Variants in CNOT10 observed in about 807,000 individuals in gnomAD.
CNOT10 encodes CCR4-NOT transcription complex subunit 10, also known as CCR4-NOT transcription complex, subunit 10.
CNOT10 carries 30 observed loss-of-function variants against 94.6 expected under a neutral mutation model. The observed-to-expected ratio is 0.32, with a 90% CI of 0.24 to 0.43. The LOEUF is 0.43. Ranked by LOEUF, CNOT10 falls within the 20% of genes least tolerant of loss-of-function variation. The pLI, the probability that CNOT10 is intolerant of heterozygous loss-of-function variation, is 1.00. For synonymous variants in CNOT10, 289 were observed against 301.6 expected, an observed-to-expected ratio of 0.96 and a Z score of 0.43; for missense variants, 759 against 877.2, an observed-to-expected ratio of 0.87 and a Z score of 1.70.
At chr3:32,731,140 A>G (rs1269875456) in intron 10 of CNOT10, 1 of 152,198 alleles carries the variant, frequency 6.6e-6, no homozygotes, top group African/African-American at 2.4e-5. Context: ...CCTCACAATA[A>G]TGGTTTAAAA....
intron 17 of CNOT10, among the ~76,000 whole-genome samples, chr3:32,768,410 C>T (rs1389265539): frequency 4.6e-5 from 7 of 151,990 alleles, no homozygotes; most frequent in South Asian, 4.2e-4. Context: ...GATGAAACCC[C>T]GTCTATACTA....
At chr3:32,745,621 A>T (rs942532561) in intron 13 of CNOT10, among the ~76,000 whole-genome samples, 1 of 152,266 alleles carries the variant, frequency 6.6e-6, no homozygotes, top group Non-Finnish European at 1.5e-5. Context: ...CAAAACCTAG[A>T]CATAGCCCAG....
intron 10 of CNOT10, among the ~76,000 whole-genome samples, chr3:32,730,187 A>C (rs1698879706): frequency 6.6e-6 from 1 of 152,098 alleles, no homozygotes; most frequent in African/African-American, 2.4e-5. Flanking sequence ...CCAGGGAGTT[A>C]CCTTTTTCTG....
intron 17 of CNOT10, 185 bp downstream of exon 17, chr3:32,764,994 C>T (rs2125641424): frequency 6.6e-7 from 1 of 1,517,976 alleles, no homozygotes; most frequent in Non-Finnish European, 8.8e-7. Context: ...AACCTAGACA[C>T]TTAAAGGAAA....
At chr3:32,696,386 C>T (rs1697071572) in intron 1 of CNOT10, among the ~76,000 whole-genome samples, 1 of 151,702 alleles carries the variant, frequency 6.6e-6, no homozygotes, top group East Asian at 1.9e-4. Flanking sequence ...ATATACTGGG[C>T]TCAAGCAATC....
chr3:32,691,516 C>T (rs982900831), intron 1 of CNOT10, among the ~76,000 whole-genome samples: 7 of 151,890 alleles, frequency 4.6e-5, no homozygotes, highest in African/African-American at 1.2e-4. Flanking sequence ...CATGTTGGCC[C>T]GGCTGGTCTT....
rs1350623364 is a variant in CNOT10 at position 32,713,284 on chromosome 3, A to C, written c.488A>C (p.Tyr163Ser). The C allele has an allele frequency of 6.3e-7, 1 of 1,599,914 alleles. No individual in the cohort carries two copies. The highest frequency in any genetic ancestry group is 8.5e-7 in the Non-Finnish European group (1 of 1,176,380). The change falls in exon 5 of 19, where the codon TAC becomes TCC. Residue 163 changes from tyrosine (Y) to serine (S), a missense_variant. Transcript: ENST00000328834. ...CTTGTAGACCTGTATATATTAACCT[A>C]CCAAGCTGAGAAAGCTTTGCATCTT... ...FLLVDLYILT[Y>S]QAEKALHLLA...
At chr3:32,738,393 A>G (rs958319821) in intron 13 of CNOT10, among the ~76,000 whole-genome samples, 2 of 151,708 alleles carry the variant, frequency 1.3e-5, no homozygotes, top group African/African-American at 2.4e-5. Context: ...CTAGCCTAGG[A>G]TTTTCTTTGC....
intron 10 of CNOT10, among the ~76,000 whole-genome samples, chr3:32,728,548 G>A (rs1271176775): frequency 2.6e-5 from 4 of 152,026 alleles, no homozygotes; most frequent in Non-Finnish European, 4.4e-5. Flanking sequence ...GGGAGGTGGA[G>A]GTTGGAGTGA....
intron 18 of CNOT10, among the ~76,000 whole-genome samples, chr3:32,771,860 A>G (rs955318056): frequency 6.6e-6 from 1 of 152,192 alleles, no homozygotes; most frequent in Admixed American, 6.5e-5. Flanking sequence ...GTTATACACC[A>G]TAGTATTTTG....
chr3:32,736,222 A>G (rs1355960154), intron 12 of CNOT10, among the ~76,000 whole-genome samples: 1 of 152,066 alleles, frequency 6.6e-6, no homozygotes, highest in Non-Finnish European at 1.5e-5. Flanking sequence ...AATAGCTGGG[A>G]TTATAGGCCC....
chr3:32,716,197 T>C (rs767717245), intron 5 of CNOT10, 28 bp from the exon 6 acceptor site: 18 of 1,228,644 alleles, frequency 1.5e-5, no homozygotes, highest in Non-Finnish European at 1.9e-5. Flanking sequence ...TATTTAATTT[T>C]GATAAACTTT....
chr3:32,732,910 A>C (rs932444292), intron 10 of CNOT10, among the ~76,000 whole-genome samples: 1 of 152,182 alleles, frequency 6.6e-6, no homozygotes, highest in Non-Finnish European at 1.5e-5. Flanking sequence ...TTAATTTCCT[A>C]GAAGGCAAGT....
rs562213642 is a variant in CNOT10 at position 32,688,287 on chromosome 3, A to T, written c.22+2805A>T. Among the ~76,000 whole-genome samples the T allele has an allele frequency of 6.6e-5, 10 of 152,292 alleles. No homozygotes were observed. The East Asian group carries it at 1.7e-3, about 26-fold the overall frequency. ...TGTAAATAAAATGAAAAATAAGATG[A>T]TTTCAAGTTGTGATAGATACTCTGA... is the stretch of plus-strand genomic sequence containing the variant. On this transcript the variant is annotated intron_variant, in intron 1 of 18. Transcript: ENST00000328834.
chr3:32,750,158 C>T (rs968649956), intron 13 of CNOT10, among the ~76,000 whole-genome samples: 3 of 152,032 alleles, frequency 2.0e-5, no homozygotes, highest in East Asian at 3.9e-4. Flanking sequence ...CTGCAGTGAG[C>T]CGAGATCACA....
chr3:32,764,372 C>T (rs1053210420), intron 15 of CNOT10, 83 bp from the exon 16 acceptor site: 3 of 1,396,886 alleles, frequency 2.1e-6, no homozygotes, highest in Non-Finnish European at 3.0e-6. Context: ...AAAATATGCC[C>T]TCTACCTTCT....
Position 32,727,532 on chromosome 3 carries a change from C to T in CNOT10, c.1013-136C>T, listed in dbSNP as rs368970406. ...GGTTGAGAATGGAGACCACCATTGG[C>T]GAGAGCTATTAAAACTCAGATCAGG... On this transcript the variant is annotated intron_variant, in intron 9 of 18. Transcript: ENST00000328834. 522 of 634,350 alleles carry T rather than the reference C, an allele frequency of 8.2e-4. 3 individuals are homozygous for T. In the African/African-American group the frequency reaches 8.8e-3, roughly 11 times the overall value. The allele number at this position is 634,350 out of a possible 1,614,324, so 39.3% of individuals were successfully genotyped here.
chr3:32,759,935 C>T (rs1700371622), intron 14 of CNOT10, among the ~76,000 whole-genome samples: 1 of 152,168 alleles, frequency 6.6e-6, no homozygotes, highest in Non-Finnish European at 1.5e-5. Context: ...GTAATCCCAG[C>T]ACTTTGGGAG....
intron 11 of CNOT10, among the ~76,000 whole-genome samples, chr3:32,734,137 T>C (rs758673839): frequency 6.6e-6 from 1 of 152,204 alleles, no homozygotes; most frequent in South Asian, 2.1e-4. Flanking sequence ...TTAAAAAATA[T>C]CTGATACACA....
Sources: gnomAD v4.1 joint callset for allele counts (sites outside exome capture counted in the v4.1 genomes callset) on GRCh38, gnomAD v4.1.1 for gene constraint, MANE v1.5 for transcripts, NCBI Gene and HGNC (gene_info 2026-07-23, HGNC 2026-07-21) for gene names.